XKR9: variants seen among roughly 807,000 people sequenced by gnomAD.
The protein encoded by XKR9 is XK-related protein 9.
XKR9 carries 32 observed loss-of-function variants against 32.0 expected under a neutral mutation model. That is an observed-to-expected ratio of 1.00 (90% CI 0.76 to 1.34). The LOEUF (loss-of-function observed/expected upper bound fraction) is 1.34, where lower values mean the gene tolerates loss of function less well. Ranked by LOEUF, XKR9 falls within the 40% of genes most tolerant of loss-of-function variation. The pLI is 0.00. For synonymous variants in XKR9, 168 were observed against 143.4 expected (o/e 1.17, Z -1.22); for missense variants, 546 against 429.7 (o/e 1.27, Z -2.39).
chr8:71,022,991 C>T, the XKR9 span, among the ~76,000 whole-genome samples: 1 of 151,412 alleles, frequency 6.6e-6, no homozygotes, highest in South Asian at 2.1e-4. Flanking sequence ...TCATTCATAT[C>T]CTTAATTGTT....
intron 4 of XKR9, among the ~76,000 whole-genome samples, chr8:70,721,088 A>G (rs2132215614): frequency 6.6e-6 from 1 of 152,258 alleles, no homozygotes; most frequent in Middle Eastern, 3.4e-3. Flanking sequence ...TTATTTGCAT[A>G]GAGGTGTTTA....
At chr8:70,884,386 A>T in the XKR9 span, among the ~76,000 whole-genome samples, 1 of 152,200 alleles carries the variant, frequency 6.6e-6, no homozygotes, top group East Asian at 1.9e-4. Context: ...ATGAAGTCCA[A>T]TTTATTAATA....
chr8:71,003,732 A>T, the XKR9 span, among the ~76,000 whole-genome samples: 21 of 152,226 alleles, frequency 1.4e-4, no homozygotes, highest in Non-Finnish European at 2.4e-4. Flanking sequence ...GCAACCAGAA[A>T]GAACAAAGTT....
At chr8:70,700,492 C>A (rs1479022128) in intron 3 of XKR9, among the ~76,000 whole-genome samples, 1 of 152,180 alleles carries the variant, frequency 6.6e-6, no homozygotes, top group Non-Finnish European at 1.5e-5. Context: ...GGCTGCAGCA[C>A]AGCGGATTTT....
At chr8:70,791,350 A>AT (rs1374417217), downstream of XKR9, among the ~76,000 whole-genome samples, 2 of 151,820 alleles carry the variant, frequency 1.3e-5, no homozygotes, top group South Asian at 4.1e-4. Flanking sequence ...TCAATGGCAT[A>AT]TTTTTCTTAG....
the XKR9 span, among the ~76,000 whole-genome samples, chr8:70,983,946 G>T: frequency 6.6e-6 from 1 of 152,116 alleles, no homozygotes; most frequent in Non-Finnish European, 1.5e-5. Context: ...TAACCATTCA[G>T]GGCCTGAATA....
At chr8:70,999,542 G>T in the XKR9 span, among the ~76,000 whole-genome samples, 4 of 152,142 alleles carry the variant, frequency 2.6e-5, no homozygotes, top group African/African-American at 9.7e-5. Context: ...AGAAATAAAG[G>T]ACAGACTTGG....
At chr8:70,695,970 T>C (rs1283114113) in intron 3 of XKR9, among the ~76,000 whole-genome samples, 1 of 152,088 alleles carries the variant, frequency 6.6e-6, no homozygotes, top group Non-Finnish European at 1.5e-5. Context: ...GTTGCATAAA[T>C]AAATGTCTTC....
At chr8:70,866,363 A>G in the XKR9 span, among the ~76,000 whole-genome samples, 1 of 152,218 alleles carries the variant, frequency 6.6e-6, no homozygotes, top group East Asian at 1.9e-4. Flanking sequence ...AATCAGAGAG[A>G]TTAATGGGAA....
intron 3 of XKR9, among the ~76,000 whole-genome samples, chr8:70,694,088 C>T (rs966810954): frequency 1.1e-4 from 16 of 145,120 alleles, no homozygotes; most frequent in Admixed American, 5.4e-4. Context: ...GCTTGGGGCC[C>T]GGTCCAGTCC....
At chr8:70,690,858 G>A (rs995391885) in intron 3 of XKR9, among the ~76,000 whole-genome samples, 1 of 152,040 alleles carries the variant, frequency 6.6e-6, no homozygotes, top group Non-Finnish European at 1.5e-5. Context: ...CTGTGTCTTT[G>A]CTATTGTGAA....
At chr8:70,892,448 A>G in the XKR9 span, among the ~76,000 whole-genome samples, 1 of 151,962 alleles carries the variant, frequency 6.6e-6, no homozygotes. Flanking sequence ...TTACTTTTGC[A>G]TGTTTTTATG....
the XKR9 span, among the ~76,000 whole-genome samples, chr8:70,912,362 A>G: frequency 3.3e-5 from 5 of 152,148 alleles, no homozygotes; most frequent in Non-Finnish European, 7.4e-5. Context: ...TTACATGAAG[A>G]CTATACCAAG....
At chr8:70,875,088 T>C in the XKR9 span, among the ~76,000 whole-genome samples, 2 of 152,192 alleles carry the variant, frequency 1.3e-5, no homozygotes, top group African/African-American at 2.4e-5. Flanking sequence ...ATTACATTTC[T>C]TTTATTAATG....
the XKR9 span, among the ~76,000 whole-genome samples, chr8:70,850,428 C>T: frequency 7.3e-6 from 1 of 137,434 alleles, no homozygotes; most frequent in Admixed American, 8.3e-5. Context: ...CTTGCTACTG[C>T]ACTCCAGCCC....
At chr8:71,004,213 A>G in the XKR9 span, among the ~76,000 whole-genome samples, 1 of 152,076 alleles carries the variant, frequency 6.6e-6, no homozygotes, top group Non-Finnish European at 1.5e-5. Flanking sequence ...ATATGGGTAA[A>G]ATCAGATTTT....
At chr8:71,017,903 G>A in the XKR9 span, among the ~76,000 whole-genome samples, 2 of 152,116 alleles carry the variant, frequency 1.3e-5, no homozygotes, top group Non-Finnish European at 2.9e-5. Flanking sequence ...GTTTTTTGTT[G>A]TTTTTGGGTG....
chr8:70,879,641 G>T, the XKR9 span, among the ~76,000 whole-genome samples: 2 of 151,978 alleles, frequency 1.3e-5, no homozygotes, highest in Admixed American at 6.6e-5. Flanking sequence ...ACCAATAACA[G>T]GCTCTGAAAT....
chr8:70,871,659 C>T, the XKR9 span, among the ~76,000 whole-genome samples: 1 of 152,068 alleles, frequency 6.6e-6, no homozygotes, highest in Non-Finnish European at 1.5e-5. Flanking sequence ...CTTGCTTCTC[C>T]TTGGGCCTTC....
Sources: allele counts gnomAD v4.1 joint callset (sites outside exome capture counted in the v4.1 genomes callset), GRCh38; gene constraint gnomAD v4.1.1; transcripts MANE v1.5; gene names NCBI Gene and HGNC (gene_info 2026-07-23, HGNC 2026-07-21).